The following DFFB variants were observed in gnomAD, a reference collection of about 807,000 sequenced individuals.
DFFB encodes the protein DNA fragmentation factor 40 kDa subunit.
A neutral mutation model predicts 32.7 loss-of-function variants in DFFB; 29 were observed. The observed-to-expected ratio is 0.89, with a 90% CI of 0.66 to 1.21. DFFB has a LOEUF of 1.21. Among genes scored for constraint, DFFB ranks in the 50% most tolerant of loss-of-function variants. The pLI is 0.00. For missense variants in DFFB, 398 were observed against 440.6 expected, an observed-to-expected ratio of 0.90 and a Z score of 0.87; for synonymous variants, 170 against 177.1, an observed-to-expected ratio of 0.96 and a Z score of 0.32.
At position 3,868,065 on chromosome 1, in the gene DFFB, T is replaced by C; in HGVS notation, c.510+12T>C. The C allele has an allele frequency of 1.2e-6, 2 of 1,613,438 alleles. No homozygotes were observed. Among genetic ancestry groups the C allele is most frequent in the East Asian group, 2.2e-5 (1 of 44,856 alleles). ...GTTACCTGAGGGAGGTGAGCCTGAG[T>C]GAAGACCGGGTATGCTGGGCGGGTT... On this transcript the variant is annotated intron_variant, in intron 4 of 6. Transcript: ENST00000378209.
At chr1:3,861,153 C>CAAAAA (rs56961503) in intron 2 of DFFB, among the ~76,000 whole-genome samples, 5 of 122,954 alleles carry the variant, frequency 4.1e-5, no homozygotes, top group African/African-American at 6.4e-5. Flanking sequence ...GACTCCATCT[C>CAAAAA]AAAAAAAAAA....
intron 6 of DFFB, among the ~76,000 whole-genome samples, chr1:3,882,236 G>A (rs1645354200): frequency 1.8e-5 from 2 of 111,314 alleles, no homozygotes; most frequent in Admixed American, 8.0e-5. Context: ...TGTCATTTTT[G>A]TAGAGGTGGG....
intron 6 of DFFB, among the ~76,000 whole-genome samples, chr1:3,879,249 G>A (rs561702806): frequency 6.6e-6 from 1 of 152,304 alleles, no homozygotes; most frequent in East Asian, 1.9e-4. Flanking sequence ...CGTTGATGAG[G>A]TGTGGCTTCT....
rs201202604 is a variant in DFFB at position 3,865,755 on chromosome 1, G to A, written c.242-57G>A. 6.3e-5 allele frequency: 102 copies of A among 1,613,654 alleles called. No individual in the cohort carries two copies. Among genetic ancestry groups the A allele is most frequent in the Middle Eastern group, 1.6e-4 (1 of 6,062 alleles). On this transcript the variant is annotated intron_variant, in intron 2 of 6. Coordinates refer to ENST00000378209, the MANE Select transcript of DFFB (RefSeq NM_004402.4). The surrounding 1 kb of genome is among the most constrained non-coding windows in gnomAD (Gnocchi z 4.7). ...GTGGTCAGAGGCTCTTCTTGTGACCGGGGCAGGATGTGTCTTCTGCTGGAC... is the reference window on the plus strand; with the variant it reads ...GTGGTCAGAGGCTCTTCTTGTGACCAGGGCAGGATGTGTCTTCTGCTGGAC...
intron 6 of DFFB, among the ~76,000 whole-genome samples, chr1:3,880,476 G>A (rs1645313534): frequency 6.6e-6 from 1 of 152,262 alleles, no homozygotes; most frequent in Non-Finnish European, 1.5e-5. Flanking sequence ...CCTCCCTGCT[G>A]TAGTTGGTGT....
Position 3,883,807 on chromosome 1 carries a change from TTTTTG to T in DFFB, c.*71_*75del, listed in dbSNP as rs1557733570. On this transcript the variant is annotated 3_prime_UTR_variant, in exon 7 of 7. Transcript: ENST00000378209. ...GTGGGCATCATTTTAACAGGTGCCT[TTTTTG>T]TTTTTTTGTTTTTCGTTTTTTTGGT... 7.1e-7 allele frequency: 1 copy of T among 1,407,482 alleles called. No individual in the cohort carries two copies. The highest frequency in any genetic ancestry group is 2.1e-5 in the Admixed American group (1 of 47,162). 87.2% of individuals were successfully genotyped at this position (1,407,482 alleles called of 1,614,324 possible).
Position 3,869,709 on chromosome 1 carries a change from C to T in DFFB, c.615C>T (p.Ser205=), listed in dbSNP as rs1645072931. The part of the protein sequence containing the change: ...QRLRSMQYNG[S]YFDRGAKGGS... Reference sequence around the variant, plus strand: ...TCCGGTCCATGCAGTACAATGGCAGCTACTTCGACAGAGGAGCCAAGGGCG... The same window carrying T: ...TCCGGTCCATGCAGTACAATGGCAGTTACTTCGACAGAGGAGCCAAGGGCG... Residue 205 remains serine, a synonymous_variant, in exon 5 of 7, where the codon AGC becomes AGT. Coordinates refer to ENST00000378209, the MANE Select transcript of DFFB (RefSeq NM_004402.4). 6.2e-7 allele frequency: 1 copy of T among 1,612,298 alleles called. No homozygotes were observed. The highest frequency in any genetic ancestry group is 8.5e-7 in the Non-Finnish European group (1 of 1,179,258).
At position 3,883,735 on chromosome 1, in the gene DFFB, C is replaced by A. The variant is rs775285381; in HGVS notation, c.1011C>A (p.Arg337=). 1 of 1,613,912 alleles carries A rather than the reference C, an allele frequency of 6.2e-7. No individual in the cohort carries two copies. The highest frequency in any genetic ancestry group is 1.1e-5 in the South Asian group (1 of 91,084). Residue 337 remains arginine (R), a synonymous_variant, in exon 7 of 7, where the codon CGC becomes CGA. Transcript: ENST00000378209. ...AGCGGAAGCAGCCTGTGCGGAAACG[C>A]CAGTGACACGTACACACCACGTCCT... The part of the protein sequence containing the change: ...RLKRKQPVRK[R]Q
chr1:3,870,181 C>T (rs12740232), intron 5 of DFFB, among the ~76,000 whole-genome samples: 10,840 of 152,320 alleles, frequency 0.071, 391 homozygotes, highest in Non-Finnish European at 0.082. Flanking sequence ...CCTGCTGCAC[C>T]GTGCTAGGCG....
intron 5 of DFFB, 47 bp downstream of exon 5, chr1:3,869,822 A>C: frequency 6.5e-7 from 1 of 1,536,740 alleles, no homozygotes; most frequent in Non-Finnish European, 8.8e-7. Flanking sequence ...TGGCCTGTGG[A>C]ACACAGCCCG....
At chr1:3,873,864 C>T (rs1474409822) in intron 6 of DFFB, among the ~76,000 whole-genome samples, 1 of 152,202 alleles carries the variant, frequency 6.6e-6, no homozygotes, top group African/African-American at 2.4e-5. Context: ...ATCCAAAACA[C>T]TTCTGGTCCC....
chr1:3,868,922 C>A (rs939809028), intron 4 of DFFB, among the ~76,000 whole-genome samples: 2 of 152,258 alleles, frequency 1.3e-5, no homozygotes, highest in African/African-American at 2.4e-5. Flanking sequence ...TGCCATGTTC[C>A]CTTGCATTTC....
chr1:3,858,033 C>G (rs1644791405), intron 1 of DFFB, among the ~76,000 whole-genome samples: 3 of 152,230 alleles, frequency 2.0e-5, no homozygotes, highest in Admixed American at 1.3e-4. Flanking sequence ...GCTGCTCTGC[C>G]TGTCCGGCCT....
At chr1:3,858,090 C>G (rs1237612862) in intron 1 of DFFB, among the ~76,000 whole-genome samples, 5 of 152,234 alleles carry the variant, frequency 3.3e-5, no homozygotes, top group Admixed American at 3.3e-4. Context: ...GTGGGCTCTG[C>G]AGGCCCCTTC....
At chr1:3,867,483 G>T (rs1316746446) in intron 3 of DFFB, among the ~76,000 whole-genome samples, 1 of 152,328 alleles carries the variant, frequency 6.6e-6, no homozygotes, top group Admixed American at 6.5e-5. Flanking sequence ...AAGCTCCTTG[G>T]TGGTATTTGA....
chr1:3,872,630 G>GC, intron 6 of DFFB, 58 bp downstream of exon 6: 1 of 1,444,052 alleles, frequency 6.9e-7, no homozygotes, highest in Non-Finnish European at 9.7e-7. Context: ...TGTCCCTGCC[G>GC]TGGCCCTGTC....
intron 6 of DFFB, among the ~76,000 whole-genome samples, chr1:3,873,459 G>A (rs1373597328): frequency 2.0e-5 from 3 of 151,004 alleles, no homozygotes; most frequent in Admixed American, 6.6e-5. Flanking sequence ...ATGCTCATCC[G>A]GGCATTTAGG....
intron 6 of DFFB, among the ~76,000 whole-genome samples, chr1:3,876,708 C>T (rs569885751): frequency 5.9e-5 from 9 of 152,366 alleles, no homozygotes; most frequent in African/African-American, 1.7e-4. Context: ...TCCCCAGTTC[C>T]GGGATGTGCA....
intron 2 of DFFB, among the ~76,000 whole-genome samples, chr1:3,860,158 G>A (rs1389188950): frequency 6.6e-6 from 1 of 152,146 alleles, no homozygotes; most frequent in Non-Finnish European, 1.5e-5. Flanking sequence ...AAACTCCTGG[G>A]CTCAAGAAGT....
Sources: gnomAD v4.1 joint callset for allele counts (sites outside exome capture counted in the v4.1 genomes callset) on GRCh38, gnomAD v4.1.1 for gene constraint, Gnocchi (gnomAD v3.1) non-coding constraint, MANE v1.5 for transcripts, NCBI Gene and HGNC (gene_info 2026-07-23, HGNC 2026-07-21) for gene names.